The following TSPEAR variants were observed in gnomAD, a reference collection of about 807,000 sequenced individuals.
The protein encoded by TSPEAR is thrombospondin-type laminin G domain and EAR repeat-containing protein.
A neutral mutation model predicts 71.6 loss-of-function variants in TSPEAR; 69 were observed. The observed-to-expected ratio is 0.96, with a 90% CI of 0.79 to 1.18. The LOEUF is 1.18. TSPEAR is among the 50% of genes most tolerant of loss of function. The pLI is 0.00. For missense variants in TSPEAR, 971 were observed against 894.9 expected (o/e 1.09, Z -1.09); for synonymous variants, 402 against 387.2 (o/e 1.04, Z -0.45).
chr21:44,666,307 C>T, intron 1 of TSPEAR: 1 of 1,081,752 alleles, frequency 9.2e-7, no homozygotes, highest in Non-Finnish European at 1.3e-6. Context: ...CTGTCACATT[C>T]TCAATCCAGA....
intron 1 of TSPEAR, among the ~76,000 whole-genome samples, chr21:44,568,697 A>G (rs184239397): frequency 1.3e-3 from 202 of 152,292 alleles, no homozygotes; most frequent in Non-Finnish European, 2.1e-3. Flanking sequence ...GCCCAGGCTG[A>G]GTGGCTGGGA....
chr21:44,519,030 G>GT (rs587613806), intron 9 of TSPEAR: 3,791 of 170,394 alleles, frequency 0.022, 80 homozygotes, highest in African/African-American at 0.062. Context: ...TGCTTTTGTT[G>GT]TTTTTTTTTT....
At chr21:44,702,658 C>A in intron 1 of TSPEAR, 5 of 1,573,252 alleles carry the variant, frequency 3.2e-6, no homozygotes, top group Non-Finnish European at 4.4e-6. Context: ...CTGCTGCATG[C>A]CCGTCCCCTC....
chr21:44,645,748 T>C (rs1246694485), intron 1 of TSPEAR, among the ~76,000 whole-genome samples: 1 of 152,140 alleles, frequency 6.6e-6, no homozygotes, highest in Non-Finnish European at 1.5e-5. Flanking sequence ...AGTAATAAAA[T>C]ATATCTAATC....
chr21:44,660,057 G>A (rs782459326), intron 1 of TSPEAR, among the ~76,000 whole-genome samples: 2 of 152,106 alleles, frequency 1.3e-5, no homozygotes, highest in African/African-American at 4.8e-5. Flanking sequence ...ATTTGAAAAC[G>A]TGTAAATGTA....
At chr21:44,609,209 T>C (rs73907051) in intron 1 of TSPEAR, among the ~76,000 whole-genome samples, 8,901 of 152,168 alleles carry the variant, frequency 0.058, 815 homozygotes, top group African/African-American at 0.19. Flanking sequence ...AGAGATAGCA[T>C]AAGGGATCAT....
intron 1 of TSPEAR, among the ~76,000 whole-genome samples, chr21:44,664,416 A>T (rs1312408168): frequency 6.6e-6 from 1 of 152,200 alleles, no homozygotes; most frequent in African/African-American, 2.4e-5. Context: ...CAAAATATTG[A>T]TGAGAAGAAT....
chr21:44,593,033 C>T lies in TSPEAR; in HGVS notation c.83-25028G>A, dbSNP rs1313521949. ...AGACCTCTTGGCTTTGAGCTCTGGA[C>T]GACTTCTCATCCCCACAGCCTCTTC... is the stretch of plus-strand genomic sequence containing the variant. On this transcript the variant is annotated intron_variant, in intron 1 of 11. Transcript: ENST00000323084. This position sits in a 1 kb window ranked among gnomAD's most constrained non-coding sequence, Gnocchi z 5.9. Among the ~76,000 whole-genome samples, 6 of 152,146 alleles carry T rather than the reference C, an allele frequency of 3.9e-5. No homozygotes were observed. Among genetic ancestry groups the T allele is most frequent in the East Asian group, 1.9e-4 (1 of 5,186 alleles).
intron 1 of TSPEAR, chr21:44,666,913 G>A (rs782092365): frequency 3.1e-6 from 5 of 1,604,222 alleles, no homozygotes; most frequent in Non-Finnish European, 4.3e-6. Context: ...ATAAGGTCGA[G>A]GCAGAGGGCA....
At position 44,642,537 on chromosome 21, in the gene TSPEAR, A is replaced by C. The variant is rs1273577290; in HGVS notation, c.82+68896T>G. On this transcript the variant is annotated intron_variant, in intron 1 of 11. Coordinates refer to ENST00000323084, the MANE Select transcript of TSPEAR (RefSeq NM_144991.3). This position sits in a 1 kb window ranked among gnomAD's most constrained non-coding sequence, Gnocchi z 4.1. ...ATAGCCATTATGGGAAATAGTACGG[A>C]AGTTCCTCAAAAAATTAAAAATGGG... Among the ~76,000 whole-genome samples the C allele has an allele frequency of 6.6e-6, 1 of 152,212 alleles. No homozygotes were observed. Among genetic ancestry groups the C allele is most frequent in the Non-Finnish European group, 1.5e-5 (1 of 68,042 alleles).
intron 1 of TSPEAR, among the ~76,000 whole-genome samples, chr21:44,639,198 G>A (rs889980452): frequency 2.6e-5 from 4 of 152,108 alleles, no homozygotes; most frequent in East Asian, 1.9e-4. Flanking sequence ...CCCTGTCCCC[G>A]CACCCCCAGC....
At chr21:44,604,525 A>G (rs375037452) in intron 1 of TSPEAR, among the ~76,000 whole-genome samples, 97 of 152,256 alleles carry the variant, frequency 6.4e-4, no homozygotes, top group African/African-American at 2.2e-3. Context: ...ATATAAGATC[A>G]CATCATCAGC....
intron 6 of TSPEAR, 142 bp from the exon 7 acceptor site, chr21:44,527,660 C>T (rs367556711): frequency 1.7e-5 from 13 of 774,356 alleles, no homozygotes; most frequent in African/African-American, 6.9e-5. Flanking sequence ...TTCCACGTTT[C>T]GCTCTCACAG....
At position 44,627,769 on chromosome 21, in the gene TSPEAR, C is replaced by T. The variant is rs116600158; in HGVS notation, c.83-59764G>A. On this transcript the variant is annotated intron_variant, in intron 1 of 11. Transcript: ENST00000323084. ...CTGCTGCAAACCCATCTGCTGTGTG[C>T]CTGTCTGCTCTGGGGCTTCCTCTTT... 1.9e-3 allele frequency: 3,093 copies of T among 1,600,134 alleles called. 53 individuals carry two copies. The African/African-American group carries it at 0.037, about 19-fold the overall frequency.
chr21:44,705,055 C>A (rs1987845449), intron 1 of TSPEAR, among the ~76,000 whole-genome samples: 1 of 152,198 alleles, frequency 6.6e-6, no homozygotes, highest in Non-Finnish European at 1.5e-5. Context: ...AACAGAGAGA[C>A]CGGCTGAAAC....
chr21:44,558,244 CGGA>C (rs1288877663), intron 2 of TSPEAR: 1 of 1,613,178 alleles, frequency 6.2e-7, no homozygotes, highest in Non-Finnish European at 8.5e-7. Flanking sequence ...AGGAGGGACA[CGGA>C]GGAGGAGGGT....
At chr21:44,539,936 G>T in intron 2 of TSPEAR, 1 of 1,613,712 alleles carries the variant, frequency 6.2e-7, no homozygotes, top group Non-Finnish European at 8.5e-7. Context: ...GCAGGAGCTG[G>T]TGCAGCCTGA....
At chr21:44,557,713 TCCC>T in intron 2 of TSPEAR, 1 of 329,566 alleles carries the variant, frequency 3.0e-6, no homozygotes, top group South Asian at 4.5e-5. Flanking sequence ...AAGGCCAGAG[TCCC>T]GAAGCTCCCA....
chr21:44,534,805 G>A lies in TSPEAR; in HGVS notation c.304-882C>T, dbSNP rs587729247. On this transcript the variant is annotated intron_variant, in intron 2 of 11. Coordinates refer to ENST00000323084, the MANE Select transcript of TSPEAR (RefSeq NM_144991.3). ...TTCTGGGTCCATTCTCAAAAGAATCGAAAGAGATACTTGTACACACATGTT... is the reference window on the plus strand; with the variant it reads ...TTCTGGGTCCATTCTCAAAAGAATCAAAAGAGATACTTGTACACACATGTT... Among the ~76,000 whole-genome samples the A allele has an allele frequency of 1.5e-4, 23 of 152,320 alleles. No individual in the cohort carries two copies. The East Asian group carries it at 2.3e-3, about 15-fold the overall frequency.
Sources: allele counts gnomAD v4.1 joint callset (sites outside exome capture counted in the v4.1 genomes callset), GRCh38; gene constraint gnomAD v4.1.1; non-coding constraint Gnocchi (gnomAD v3.1); transcripts MANE v1.5; gene names NCBI Gene and HGNC (gene_info 2026-07-23, HGNC 2026-07-21).